Variants in MALRD1 observed in about 807,000 individuals in gnomAD.
MALRD1 encodes MAM and LDL receptor class A domain containing 1, also known as MAM and LDL-receptor class A domain-containing protein 1.
In MALRD1, 247 loss-of-function variants were observed where a neutral mutation model predicts 242.1. The ratio of observed to expected loss-of-function variants is 1.02; its 90% CI spans 0.92 to 1.13. The LOEUF (loss-of-function observed/expected upper bound fraction) is 1.13. Ranked by LOEUF, MALRD1 falls within the 50% of genes most tolerant of loss-of-function variation. MALRD1 has a pLI of 0.00. For synonymous variants in MALRD1, 995 were observed against 866.6 expected (o/e 1.15, Z -2.60); for missense variants, 2,989 against 2,533.1 (o/e 1.18, Z -3.86).
intron 32 of MALRD1, among the ~76,000 whole-genome samples, chr10:19,549,675 A>G (rs1347315215): frequency 2.0e-5 from 3 of 152,322 alleles, no homozygotes; most frequent in Admixed American, 6.5e-5. Flanking sequence ...AAACCGAAAG[A>G]TTTTTATGAC....
At chr10:19,645,329 A>G (rs945956489) in intron 36 of MALRD1, among the ~76,000 whole-genome samples, 1 of 152,220 alleles carries the variant, frequency 6.6e-6, no homozygotes, top group Non-Finnish European at 1.5e-5. Flanking sequence ...GTGATTCCTC[A>G]GGGGTCTAGA....
At chr10:19,432,734 G>C (rs1043897754) in intron 28 of MALRD1, among the ~76,000 whole-genome samples, 1 of 152,152 alleles carries the variant, frequency 6.6e-6, no homozygotes, top group South Asian at 2.1e-4. Context: ...TGAAAGTTCT[G>C]AAAAGGCTTC....
chr10:19,240,412 G>A (rs562021910), intron 18 of MALRD1, among the ~76,000 whole-genome samples: 2 of 151,740 alleles, frequency 1.3e-5, no homozygotes, highest in Admixed American at 1.3e-4. Flanking sequence ...CTCTATATAA[G>A]TATATCTAGA....
intron 26 of MALRD1, among the ~76,000 whole-genome samples, chr10:19,379,788 A>G (rs1315874120): frequency 1.3e-5 from 2 of 152,136 alleles, no homozygotes; most frequent in Admixed American, 6.6e-5. Flanking sequence ...AATGTTAACT[A>G]GACCAGTATG....
rs889603134 is a variant in MALRD1, at chr10:19,595,476, C to T, written c.5944+19C>T. On this transcript the variant is annotated intron_variant, in intron 34 of 39. Coordinates refer to ENST00000454679, the MANE Select transcript of MALRD1 (RefSeq NM_001142308.3). ...ATCTGCTGTGAGTTATTTTCACTAA[C>T]TCAATGTGTAAGGGAAGGCATGCTG... 7 of 1,542,154 alleles carry T rather than the reference C, an allele frequency of 4.5e-6. No homozygotes were observed. The African/African-American group carries it at 6.9e-5, about 15-fold the overall frequency.
In MALRD1 at chr10:19,297,348, A is replaced by C. The variant is rs964956205; in HGVS notation, c.3419+14167A>C. ...CACTGTAAAATAATTTAAAACAGTT[A>C]ATTCTATAATCATAAGATTAAAAGA... On this transcript the variant is annotated intron_variant, in intron 21 of 39. Transcript: ENST00000454679. Among the ~76,000 whole-genome samples, 4 of 151,844 alleles carry C rather than the reference A, an allele frequency of 2.6e-5. No individual in the cohort carries two copies. In the East Asian group the frequency reaches 7.7e-4, roughly 29 times the overall value.
rs1001164775 is a variant in MALRD1 at position 19,133,837 on chromosome 10, C to G, written c.1111-19C>G. 2 of 1,151,482 alleles carry G rather than the reference C, an allele frequency of 1.7e-6. No individual in the cohort carries two copies. The highest frequency in any genetic ancestry group is 2.2e-6 in the Non-Finnish European group (2 of 915,210). 71.3% of individuals were successfully genotyped at this position (1,151,482 alleles called of 1,614,324 possible). ...TTAGAATACGGGTAATGAGTGATGT[C>G]TTTCTCTTCAAATCAAAGGAAGAAG... On this transcript the variant is annotated intron_variant, in intron 8 of 39. Transcript: ENST00000454679.
chr10:19,602,131 G>C (rs986202120), intron 34 of MALRD1, among the ~76,000 whole-genome samples: 1 of 146,212 alleles, frequency 6.8e-6, no homozygotes, highest in African/African-American at 2.5e-5. Context: ...CTTGCATCCT[G>C]CAAGTCTATC....
chr10:19,159,566 A>G (rs1834308127), intron 12 of MALRD1, among the ~76,000 whole-genome samples: 1 of 152,090 alleles, frequency 6.6e-6, no homozygotes, highest in Admixed American at 6.6e-5. Context: ...ATTAGAACGA[A>G]GTCCACAGGG....
At chr10:19,173,058 A>C in intron 13 of MALRD1, among the ~76,000 whole-genome samples, 1 of 152,038 alleles carries the variant, frequency 6.6e-6, no homozygotes, top group East Asian at 1.9e-4. Flanking sequence ...ATAAAGCAAC[A>C]GTCCCTGCTG....
At chr10:19,391,765 A>G (rs546676357) in intron 28 of MALRD1, among the ~76,000 whole-genome samples, 1 of 152,324 alleles carries the variant, frequency 6.6e-6, no homozygotes, top group South Asian at 2.1e-4. Context: ...CTGGCTGTTC[A>G]TTAGAAATTA....
chr10:19,286,805 CCCTAACTCATTTTATGAGG>C (rs1841147891), intron 21 of MALRD1, among the ~76,000 whole-genome samples: 1 of 151,276 alleles, frequency 6.6e-6, no homozygotes, highest in South Asian at 2.1e-4. Context: ...AGGGAATCCT[CCCTAACTCATTTTATGAGG>C]CCAGCATCAT....
At chr10:19,498,419 A>C in intron 30 of MALRD1, 66 bp from the exon 31 acceptor site, 2 of 1,381,384 alleles carry the variant, frequency 1.4e-6, no homozygotes, top group Non-Finnish European at 2.0e-6. Context: ...AATGATCCCA[A>C]ATATAGGGTA....
At chr10:19,115,663 G>A (rs1400649060) in intron 5 of MALRD1, among the ~76,000 whole-genome samples, 1 of 151,874 alleles carries the variant, frequency 6.6e-6, no homozygotes, top group Admixed American at 6.6e-5. Flanking sequence ...ATATCATGAG[G>A]TCAGGAGTTC....
chr10:19,435,516 C>A (rs1239959226), intron 28 of MALRD1, among the ~76,000 whole-genome samples: 1 of 152,062 alleles, frequency 6.6e-6, no homozygotes, highest in African/African-American at 2.4e-5. Flanking sequence ...TTAAGGCATA[C>A]TGATCAGGTA....
chr10:19,076,370 T>C (rs996749596), intron 2 of MALRD1, among the ~76,000 whole-genome samples: 2 of 152,000 alleles, frequency 1.3e-5, no homozygotes, highest in African/African-American at 4.8e-5. Context: ...TTTTAGGTGT[T>C]ACATTTAAGA....
At chr10:19,074,861 T>C (rs907293781) in intron 2 of MALRD1, among the ~76,000 whole-genome samples, 5 of 152,006 alleles carry the variant, frequency 3.3e-5, no homozygotes, top group African/African-American at 9.7e-5. Flanking sequence ...ATTGAAAAAA[T>C]TCACGCTCAA....
chr10:19,413,106 A>C (rs141154882), intron 28 of MALRD1, among the ~76,000 whole-genome samples: 10 of 152,320 alleles, frequency 6.6e-5, no homozygotes, highest in African/African-American at 2.2e-4. Flanking sequence ...CATCACATAC[A>C]TGATGTAACC....
chr10:19,067,143 T>C (rs755345825), intron 2 of MALRD1, among the ~76,000 whole-genome samples: 2 of 152,198 alleles, frequency 1.3e-5, no homozygotes, highest in Non-Finnish European at 2.9e-5. Flanking sequence ...ATAATTGGGA[T>C]TTTCCAGTTT....
Sources: allele counts gnomAD v4.1 joint callset (sites outside exome capture counted in the v4.1 genomes callset), GRCh38; gene constraint gnomAD v4.1.1; transcripts MANE v1.5; gene names NCBI Gene and HGNC (gene_info 2026-07-23, HGNC 2026-07-21).